The following CSMD1 variants were observed in gnomAD, a reference collection of about 807,000 sequenced individuals.
CSMD1 encodes CUB and sushi domain-containing protein 1.
A neutral mutation model predicts 417.5 loss-of-function variants in CSMD1; 213 were observed. The observed-to-expected ratio is 0.51, with a 90% CI of 0.46 to 0.57. The LOEUF is 0.57. CSMD1 is among the 20% of genes least tolerant of loss of function. The probability of loss-of-function intolerance (pLI) is 0.00; values close to 1 mark genes in which losing one functional copy is unlikely to be tolerated. For synonymous variants in CSMD1, 2,862 were observed against 1,736.8 expected, an observed-to-expected ratio of 1.65 and a Z score of -16.11; for missense variants, 6,923 against 4,529.7, an observed-to-expected ratio of 1.53 and a Z score of -15.17.
At chr8:3,519,296 CA>C (rs1797405417) in intron 10 of CSMD1, among the ~76,000 whole-genome samples, 1 of 152,112 alleles carries the variant, frequency 6.6e-6, no homozygotes, top group African/African-American at 2.4e-5. Context: ...TCTTCAAATT[CA>C]AAAACAGCTT....
chr8:4,570,566 G>A (rs1043290577), intron 2 of CSMD1, among the ~76,000 whole-genome samples: 3 of 152,122 alleles, frequency 2.0e-5, no homozygotes, highest in African/African-American at 7.2e-5. Flanking sequence ...TCACATCGAT[G>A]TTCATCGGGC....
intron 12 of CSMD1, among the ~76,000 whole-genome samples, chr8:3,414,330 C>G (rs75924279): frequency 0.055 from 8,261 of 150,936 alleles, 287 homozygotes; most frequent in East Asian, 0.16. Context: ...AAGGATCATT[C>G]CGAAGAGCTT....
intron 26 of CSMD1, among the ~76,000 whole-genome samples, chr8:3,262,844 A>G (rs1563200217): frequency 6.6e-6 from 1 of 152,232 alleles, no homozygotes; most frequent in African/African-American, 2.4e-5. Flanking sequence ...ATCTACAAAA[A>G]TGTATGTAAT....
At chr8:4,552,482 T>C (rs78344782) in intron 2 of CSMD1, among the ~76,000 whole-genome samples, 9,105 of 152,116 alleles carry the variant, frequency 0.06, 364 homozygotes, top group East Asian at 0.11. Flanking sequence ...ATTTATTGGG[T>C]GGGAAATTTC....
intron 5 of CSMD1, among the ~76,000 whole-genome samples, chr8:3,772,665 TTATA>T (rs1405597853): frequency 4.9e-5 from 7 of 141,492 alleles, no homozygotes; most frequent in Non-Finnish European, 7.6e-5. Flanking sequence ...ATACATACAT[TTATA>T]TATACATATA....
chr8:3,920,768 T>A (rs1430315687), intron 5 of CSMD1, among the ~76,000 whole-genome samples: 3 of 151,966 alleles, frequency 2.0e-5, no homozygotes, highest in Non-Finnish European at 4.4e-5. Context: ...GTGGGGTATA[T>A]CCAATTTATT....
intron 3 of CSMD1, among the ~76,000 whole-genome samples, chr8:4,032,516 A>G (rs1488567674): frequency 6.6e-6 from 1 of 152,198 alleles, no homozygotes; most frequent in Non-Finnish European, 1.5e-5. Context: ...GTGAATACTC[A>G]TACCCTATTT....
chr8:3,820,614 T>G (rs780653842), intron 5 of CSMD1, among the ~76,000 whole-genome samples: 2 of 152,198 alleles, frequency 1.3e-5, no homozygotes, highest in South Asian at 4.1e-4. Flanking sequence ...CTTGCTCTCT[T>G]GTCCAAGTTG....
intron 67 of CSMD1, 137 bp from the exon 68 acceptor site, chr8:2,949,523 A>G (rs543462035): frequency 4.3e-6 from 2 of 462,034 alleles, no homozygotes; most frequent in Admixed American, 4.1e-5. Flanking sequence ...TATTTTTGCC[A>G]TGGCTTTTGG....
chr8:4,744,675 C>G (rs1028996226), intron 1 of CSMD1, among the ~76,000 whole-genome samples: 5 of 152,052 alleles, frequency 3.3e-5, no homozygotes, highest in Admixed American at 3.3e-4. Flanking sequence ...GTCTCTGGAC[C>G]TTGTCAGATA....
intron 31 of CSMD1, among the ~76,000 whole-genome samples, chr8:3,202,990 C>A (rs60520984): frequency 0.61 from 92,510 of 151,864 alleles, 28,216 homozygotes; most frequent in South Asian, 0.66. Context: ...ATACCATCCT[C>A]ACCCACCCAC....
chr8:4,035,714 T>G (rs113023605), intron 3 of CSMD1, among the ~76,000 whole-genome samples: 7 of 152,356 alleles, frequency 4.6e-5, no homozygotes, highest in African/African-American at 1.7e-4. Flanking sequence ...AGTTAAATAT[T>G]ATTACGGAAG....
chr8:3,217,717 T>C (rs1797960685), intron 29 of CSMD1, among the ~76,000 whole-genome samples: 1 of 152,174 alleles, frequency 6.6e-6, no homozygotes, highest in Non-Finnish European at 1.5e-5. Flanking sequence ...ATTGTATAAT[T>C]TTTAAAATTG....
At chr8:3,224,973 T>A (rs1236690521) in intron 27 of CSMD1, among the ~76,000 whole-genome samples, 1 of 152,220 alleles carries the variant, frequency 6.6e-6, no homozygotes, top group African/African-American at 2.4e-5. Context: ...GTGACTACAA[T>A]TAAATCATAG....
chr8:4,658,548 G>A (rs10092354), intron 1 of CSMD1, among the ~76,000 whole-genome samples: 2 of 151,892 alleles, frequency 1.3e-5, no homozygotes, highest in South Asian at 4.1e-4. Context: ...ATCAGACATT[G>A]ATAAACTAGA....
intron 1 of CSMD1, among the ~76,000 whole-genome samples, chr8:4,945,630 T>A (rs1178380105): frequency 6.6e-6 from 1 of 152,148 alleles, no homozygotes; most frequent in African/African-American, 2.4e-5. Flanking sequence ...TTCAAGGTGA[T>A]AAAGTTTGAA....
At chr8:3,279,876 A>G (rs537603610) in intron 26 of CSMD1, among the ~76,000 whole-genome samples, 16 of 152,226 alleles carry the variant, frequency 1.1e-4, no homozygotes, top group African/African-American at 3.9e-4. Flanking sequence ...TCATGATCCA[A>G]CCACCTCCAC....
At chr8:3,367,710 TATG>T (rs1288964889) in intron 19 of CSMD1, among the ~76,000 whole-genome samples, 2 of 152,186 alleles carry the variant, frequency 1.3e-5, no homozygotes, top group Admixed American at 6.5e-5. Flanking sequence ...AATATGAAGA[TATG>T]ATGTGGACAT....
At chr8:3,247,218 C>G (rs1464433813) in intron 26 of CSMD1, among the ~76,000 whole-genome samples, 1 of 152,154 alleles carries the variant, frequency 6.6e-6, no homozygotes, top group Non-Finnish European at 1.5e-5. Flanking sequence ...AGTCCTCATG[C>G]CTTCCTTGAC....
Sources: gnomAD v4.1 joint callset for allele counts (sites outside exome capture counted in the v4.1 genomes callset) on GRCh38, gnomAD v4.1.1 for gene constraint, MANE v1.5 for transcripts, NCBI Gene and HGNC (gene_info 2026-07-23, HGNC 2026-07-21) for gene names.